PDE4B: variants seen among roughly 807,000 people sequenced by gnomAD.
The protein encoded by PDE4B is phosphodiesterase 4B.
In PDE4B, 20 loss-of-function variants were observed where a neutral mutation model predicts 82.2. The ratio of observed to expected loss-of-function variants is 0.24; its 90% CI spans 0.17 to 0.35. The LOEUF (loss-of-function observed/expected upper bound fraction) is 0.35, where lower values mean the gene tolerates loss of function less well. Ranked by LOEUF, PDE4B falls within the 10% of genes least tolerant of loss-of-function variation. The pLI, the probability that PDE4B is intolerant of heterozygous loss-of-function variation, is 1.00. For synonymous variants in PDE4B, 320 were observed against 318.9 expected (o/e 1.00, Z -0.04); for missense variants, 655 against 907.2 (o/e 0.72, Z 3.57).
At chr1:66,353,415 G>A (rs1189063612) in intron 8 of PDE4B, among the ~76,000 whole-genome samples, 1 of 152,214 alleles carries the variant, frequency 6.6e-6, no homozygotes, top group Non-Finnish European at 1.5e-5. Context: ...GCGATGGCAT[G>A]ACTCCGGGCT....
At chr1:66,321,603 G>C (rs1329830778) in intron 7 of PDE4B, among the ~76,000 whole-genome samples, 1 of 152,016 alleles carries the variant, frequency 6.6e-6, no homozygotes, top group Non-Finnish European at 1.5e-5. Flanking sequence ...TCTGCTTCAA[G>C]ATGGCCCCTT....
At chr1:66,081,281 G>A (rs905948382) in intron 3 of PDE4B, among the ~76,000 whole-genome samples, 8 of 152,106 alleles carry the variant, frequency 5.3e-5, no homozygotes, top group African/African-American at 1.4e-4. Context: ...TGTTATCAAC[G>A]TTCTCCATTT....
chr1:65,834,902 T>A (rs982672970), intron 1 of PDE4B, among the ~76,000 whole-genome samples: 4 of 152,156 alleles, frequency 2.6e-5, no homozygotes, highest in African/African-American at 9.7e-5. Flanking sequence ...ATCACAGGAA[T>A]CATCAAACTC....
intron 8 of PDE4B, among the ~76,000 whole-genome samples, chr1:66,351,953 A>T (rs960580098): frequency 6.6e-6 from 1 of 152,306 alleles, no homozygotes; most frequent in East Asian, 1.9e-4. Flanking sequence ...TACATATACT[A>T]GAATGTAAAA....
At chr1:66,343,149 A>G (rs543526089) in intron 8 of PDE4B, among the ~76,000 whole-genome samples, 35 of 152,364 alleles carry the variant, frequency 2.3e-4, no homozygotes, top group African/African-American at 7.9e-4. Context: ...TCATTTGTGT[A>G]TAAAAAGGAA....
chr1:66,215,279 C>T (rs987341498), intron 3 of PDE4B, among the ~76,000 whole-genome samples: 4 of 152,114 alleles, frequency 2.6e-5, no homozygotes, highest in African/African-American at 9.7e-5. Flanking sequence ...TTTTGAAAGT[C>T]AGTGAAGAAC....
intron 3 of PDE4B, among the ~76,000 whole-genome samples, chr1:66,023,578 C>T (rs1653265133): frequency 6.6e-6 from 1 of 152,074 alleles, no homozygotes; most frequent in Non-Finnish European, 1.5e-5. Flanking sequence ...GTAATGAAAG[C>T]ATTCAGGTGG....
chr1:65,866,295 C>A (rs1646509491), intron 1 of PDE4B, among the ~76,000 whole-genome samples: 1 of 151,870 alleles, frequency 6.6e-6, no homozygotes, highest in African/African-American at 2.4e-5. Flanking sequence ...TAAGCCAACA[C>A]CAAAAACCCC....
At chr1:66,331,089 TCA>T (rs1393512952) in intron 7 of PDE4B, among the ~76,000 whole-genome samples, 3 of 152,256 alleles carry the variant, frequency 2.0e-5, no homozygotes, top group Non-Finnish European at 4.4e-5. Flanking sequence ...TTACTTGGAA[TCA>T]CAGTTCTGTT....
intron 1 of PDE4B, among the ~76,000 whole-genome samples, chr1:65,841,381 A>AAAGG (rs71590332): frequency 6.0e-5 from 9 of 150,344 alleles, no homozygotes; most frequent in East Asian, 2.0e-4. Context: ...AAAGGAAAGG[A>AAAGG]AAGGAAGGAA....
chr1:66,022,094 C>T (rs1030533663), intron 3 of PDE4B, among the ~76,000 whole-genome samples: 1 of 152,268 alleles, frequency 6.6e-6, no homozygotes, highest in Middle Eastern at 3.4e-3. Flanking sequence ...GGAGTTCACT[C>T]GTGATTTGGC....
intron 1 of PDE4B, among the ~76,000 whole-genome samples, chr1:65,853,941 T>C (rs924700963): frequency 3.3e-5 from 5 of 152,202 alleles, no homozygotes; most frequent in East Asian, 3.8e-4. Context: ...TTCTTTCTTA[T>C]GTGCCCAATA....
At chr1:66,313,757 G>A (rs527662074) in intron 7 of PDE4B, among the ~76,000 whole-genome samples, 6 of 152,276 alleles carry the variant, frequency 3.9e-5, no homozygotes, top group African/African-American at 1.4e-4. Flanking sequence ...ATAATTTGGG[G>A]GAGATCTCTT....
intron 7 of PDE4B, among the ~76,000 whole-genome samples, chr1:66,274,393 G>A (rs917296361): frequency 2.6e-5 from 4 of 151,356 alleles, no homozygotes; most frequent in Non-Finnish European, 5.9e-5. Flanking sequence ...GGCTGGTCTC[G>A]AACTCCTGAT....
intron 3 of PDE4B, among the ~76,000 whole-genome samples, chr1:66,183,189 T>C (rs1184985606): frequency 6.6e-6 from 1 of 152,152 alleles, no homozygotes; most frequent in Non-Finnish European, 1.5e-5. Context: ...GGGGCCCCCA[T>C]AGACAATGAT....
intron 3 of PDE4B, among the ~76,000 whole-genome samples, chr1:66,101,314 C>A (rs1455859132): frequency 1.3e-5 from 2 of 152,104 alleles, no homozygotes; most frequent in African/African-American, 4.8e-5. Context: ...GTCTTTATAG[C>A]AGCATGATTT....
At chr1:65,831,123 G>C (rs149627467) in intron 1 of PDE4B, among the ~76,000 whole-genome samples, 139 of 151,966 alleles carry the variant, frequency 9.1e-4, no homozygotes, top group African/African-American at 3.2e-3. Context: ...AGAAATTAGA[G>C]AAAGAAGCTT....
chr1:65,886,194 G>T (rs892679220), intron 1 of PDE4B, among the ~76,000 whole-genome samples: 3 of 151,498 alleles, frequency 2.0e-5, no homozygotes, highest in Non-Finnish European at 4.4e-5. Flanking sequence ...AAAAGAAAAT[G>T]CTTTGTAAAC....
intron 13 of PDE4B, among the ~76,000 whole-genome samples, chr1:66,366,440 G>T (rs753858747): frequency 2.6e-5 from 4 of 152,094 alleles, no homozygotes; most frequent in Non-Finnish European, 5.9e-5. Context: ...CTCAAATAAT[G>T]TACTATCTCT....
Sources: allele counts gnomAD v4.1 joint callset (sites outside exome capture counted in the v4.1 genomes callset), GRCh38; gene constraint gnomAD v4.1.1; transcripts MANE v1.5; gene names NCBI Gene and HGNC (gene_info 2026-07-23, HGNC 2026-07-21).